Variants in IGF2R observed in about 807,000 individuals in gnomAD.
IGF2R encodes the protein insulin like growth factor 2 receptor.
Under a neutral mutation model 270.6 loss-of-function variants are expected in IGF2R, and 91 were observed. The ratio of observed to expected loss-of-function variants is 0.34; its 90% CI spans 0.28 to 0.40. IGF2R has a LOEUF of 0.40. IGF2R is among the 10% of genes least tolerant of loss of function. IGF2R has a pLI of 1.00. For synonymous variants in IGF2R, 1,316 were observed against 1,258.9 expected, an observed-to-expected ratio of 1.05 and a Z score of -0.96; for missense variants, 2,805 against 3,188.3, an observed-to-expected ratio of 0.88 and a Z score of 2.90.
intron 3 of IGF2R, chr6:160,010,472 C>T (rs1275945507): frequency 4.3e-6 from 2 of 462,916 alleles, no homozygotes; most frequent in Non-Finnish European, 7.8e-6. Context: ...GGATTAGTTA[C>T]ACAAAATCCC....
At chr6:160,086,628 A>C (rs958456977) in intron 41 of IGF2R, among the ~76,000 whole-genome samples, 2 of 152,218 alleles carry the variant, frequency 1.3e-5, no homozygotes, top group African/African-American at 4.8e-5. Flanking sequence ...CATATGCCAG[A>C]AGTTTTAAAA....
intron 39 of IGF2R, among the ~76,000 whole-genome samples, chr6:160,082,178 G>A (rs1339024021): frequency 3.3e-5 from 5 of 152,170 alleles, no homozygotes; most frequent in Admixed American, 2.0e-4. Context: ...ATGTATTAAG[G>A]AACCAAACGT....
rs1371357011 is a variant in IGF2R at position 160,049,893 on chromosome 6, G to A, written c.2515-580G>A. Among the ~76,000 whole-genome samples, 5 of 152,194 alleles carry A rather than the reference G, an allele frequency of 3.3e-5. No individual in the cohort carries two copies. The East Asian group carries it at 7.7e-4, about 23-fold the overall frequency. On this transcript the variant is annotated intron_variant, in intron 18 of 47. Coordinates refer to ENST00000356956, the MANE Select transcript of IGF2R (RefSeq NM_000876.4). ...AGCCGAGAAAGAGTTTAATTGTAGG[G>A]CAGGCGAATGAGGAGATGAGAAGAA... is the stretch of plus-strand genomic sequence containing the variant.
intron 31 of IGF2R, 44 bp downstream of exon 31, chr6:160,070,102 A>G (rs1778683026): frequency 6.3e-7 from 1 of 1,590,712 alleles, no homozygotes; most frequent in Non-Finnish European, 8.6e-7. Context: ...AGCTTTGGGA[A>G]TTGAGCCCAT....
chr6:159,996,393 G>GGC (rs1784054241), intron 2 of IGF2R, among the ~76,000 whole-genome samples: 1 of 152,194 alleles, frequency 6.6e-6, no homozygotes, highest in Non-Finnish European at 1.5e-5. Flanking sequence ...GCTTCAGGCA[G>GGC]TGGAGTGGTC....
intron 1 of IGF2R, among the ~76,000 whole-genome samples, chr6:159,977,081 TGTC>T (rs1450084290): frequency 6.6e-6 from 1 of 152,234 alleles, no homozygotes; most frequent in Non-Finnish European, 1.5e-5. Context: ...GCTTCCCTGT[TGTC>T]TTTTGTTGCA....
chr6:160,023,707 A>G (rs1401627964), intron 4 of IGF2R, among the ~76,000 whole-genome samples: 3 of 152,216 alleles, frequency 2.0e-5, no homozygotes, highest in Admixed American at 6.5e-5. Context: ...TTATAAACGT[A>G]GCTTCTGCTA....
Position 160,043,298 on chromosome 6 carries a change from G to A in IGF2R, c.1621+10G>A, listed in dbSNP as rs369007307. The A allele has an allele frequency of 6.2e-7, 1 of 1,610,680 alleles. No homozygotes were observed. On this transcript the variant is annotated intron_variant, in intron 12 of 47. Transcript: ENST00000356956. ...GCAGTGTGTGCAGTGGGTGAGTTGT[G>A]CCTGGATGGAAGATCTAGGTGATGC...
At position 160,109,088 on chromosome 6, in the gene IGF2R, A is replaced by G. The variant is rs1485503642; in HGVS notation, c.*4004A>G. On this transcript the variant is annotated 3_prime_UTR_variant, in exon 48 of 48. Transcript: ENST00000356956. ...TTGTAGTTTGACCAGTTTGCAAAAC[A>G]AATTGAATAAAAAGTAATTGATAAT... 6.6e-6 allele frequency: 1 copy of G among 152,264 alleles called. No individual in the cohort carries two copies. The highest frequency in any genetic ancestry group is 2.4e-5 in the African/African-American group (1 of 41,468). 9.4% of individuals were successfully genotyped at this position (152,264 alleles called of 1,614,324 possible).
At chr6:160,081,645 A>G (rs1213535045) in intron 39 of IGF2R, among the ~76,000 whole-genome samples, 1 of 152,240 alleles carries the variant, frequency 6.6e-6, no homozygotes, top group Admixed American at 6.5e-5. Context: ...CTGCAACTGC[A>G]TAAGGCAGAC....
At chr6:160,075,199 A>G (rs570718908) in intron 35 of IGF2R, among the ~76,000 whole-genome samples, 3 of 152,360 alleles carry the variant, frequency 2.0e-5, no homozygotes, top group African/African-American at 7.2e-5. Flanking sequence ...TTAAAAATAA[A>G]AAAAGAGTTT....
In IGF2R at chr6:160,058,973, C is replaced by G. The variant is rs766245878; in HGVS notation, c.2966C>G (p.Ala989Gly). 6.2e-7 allele frequency: 1 copy of G among 1,614,194 alleles called. No individual in the cohort carries two copies. Among genetic ancestry groups the G allele is most frequent in the Admixed American group, 1.7e-5 (1 of 60,018 alleles). The change falls in exon 22 of 48, where the codon GCA (alanine) becomes GGA (glycine). Residue 989 changes from alanine (A) to glycine (G), a missense_variant. Transcript: ENST00000356956. Reference protein sequence around the residue: ...ILGKPASGCEAETQTEELKNW... With the variant: ...ILGKPASGCEGETQTEELKNW... ...GGAAAACCTGCTTCTGGCTGTGAGG[C>G]AGAAACCCAAACTGAAGAGCTCAAG...
chr6:160,076,791 A>G (rs986516853), intron 36 of IGF2R, among the ~76,000 whole-genome samples: 4 of 152,192 alleles, frequency 2.6e-5, no homozygotes, highest in Non-Finnish European at 5.9e-5. Flanking sequence ...CCTAATGTGG[A>G]TATTGATACA....
chr6:160,027,260 A>G lies in IGF2R; in HGVS notation c.722A>G (p.Gln241Arg). Residue 241 changes from glutamine (Q) to arginine (R), a missense_variant, in exon 6 of 48, where the codon CAG (glutamine) becomes CGG (arginine). By Grantham distance (43) the Gln-to-Arg change is conservative (BLOSUM62 1). Coordinates refer to ENST00000356956, the MANE Select transcript of IGF2R (RefSeq NM_000876.4). Reference sequence around the variant, plus strand: ...GCCGCCTGCCTGGTAAGAGGACACCAGGCGTTTGATGTTGGCCAGCCCCGG... The same window carrying G: ...GCCGCCTGCCTGGTAAGAGGACACCGGGCGTTTGATGTTGGCCAGCCCCGG... ...GTAACLVRGH[Q>R]AFDVGQPRDG... 6.2e-7 allele frequency: 1 copy of G among 1,614,178 alleles called. No individual in the cohort carries two copies. Among genetic ancestry groups the G allele is most frequent in the Non-Finnish European group, 8.5e-7 (1 of 1,180,022 alleles).
chr6:160,024,778 A>T, intron 5 of IGF2R, 74 bp downstream of exon 5: 1 of 1,498,934 alleles, frequency 6.7e-7, no homozygotes, highest in Non-Finnish European at 9.2e-7. Flanking sequence ...TTGCCTTTCT[A>T]CCTTTATTTC....
rs190817821 is a variant in IGF2R at position 159,998,129 on chromosome 6, G to C, written c.289+6806G>C. On this transcript the variant is annotated intron_variant, in intron 2 of 47. Coordinates refer to ENST00000356956, the MANE Select transcript of IGF2R (RefSeq NM_000876.4). The surrounding 1 kb of genome is among the most constrained non-coding windows in gnomAD (Gnocchi z 4.1). The stretch of plus-strand genomic sequence containing the variant: ...CAGTTTACTCATTGTGCTCTTTTGA[G>C]AACTCACAGAGAAAGGCCACAAGTA... 2.0e-5 allele frequency among the ~76,000 whole-genome samples: 3 copies of C among 152,326 alleles called. No homozygotes were observed. In the East Asian group the frequency reaches 5.8e-4, roughly 29 times the overall value.
chr6:160,058,980 C>T lies in IGF2R; in HGVS notation c.2973C>T (p.Thr991=), dbSNP rs1778371904. The T allele has an allele frequency of 6.2e-7, 1 of 1,614,172 alleles. No homozygotes were observed. Among genetic ancestry groups the T allele is most frequent in the Non-Finnish European group, 8.5e-7 (1 of 1,180,028 alleles). ...GKPASGCEAE[T]QTEELKNWKP... ...CTGCTTCTGGCTGTGAGGCAGAAAC[C>T]CAAACTGAAGAGCTCAAGAATTGGA... is the stretch of plus-strand genomic sequence containing the variant. The change falls in exon 22 of 48, where the codon ACC becomes ACT. Residue 991 remains threonine (T), a synonymous_variant. Transcript: ENST00000356956.
chr6:160,111,420 A>G lies in IGF2R; in HGVS notation c.*6336A>G, dbSNP rs568329753. 1 of 152,302 alleles carries G rather than the reference A, an allele frequency of 6.6e-6. No homozygotes were observed. Among genetic ancestry groups the G allele is most frequent in the South Asian group, 2.1e-4 (1 of 4,832 alleles). The allele number at this position is 152,302 out of a possible 1,614,324, so 9.4% of individuals were successfully genotyped here. A position where few individuals can be genotyped will look rare whatever the true frequency, so the allele number is the denominator to read the frequency against. On this transcript the variant is annotated 3_prime_UTR_variant, in exon 48 of 48. Transcript: ENST00000356956. ...TCCACTTCCACTTAATATATAATAAATATATTTTCTCCTCATGATTTTCTT... is the reference window on the plus strand; with the variant it reads ...TCCACTTCCACTTAATATATAATAAGTATATTTTCTCCTCATGATTTTCTT...
rs971661080 is a variant in IGF2R, at chr6:160,090,044, A to G, written c.6596A>G (p.Asn2199Ser). ...SGANICQVKPNDQHFSRKVGT... is the reference protein window; with the variant it reads ...SGANICQVKPSDQHFSRKVGT... Reference sequence around the variant, plus strand: ...GCCAACATATGCCAGGTGAAGCCCAACGATCAGCACTTCAGTCGGAAAGTT... The same window carrying G: ...GCCAACATATGCCAGGTGAAGCCCAGCGATCAGCACTTCAGTCGGAAAGTT... Residue 2199 changes from asparagine to serine, a missense_variant, in exon 44 of 48, where the codon AAC becomes AGC. Coordinates refer to ENST00000356956, the MANE Select transcript of IGF2R (RefSeq NM_000876.4). 5.0e-6 allele frequency: 8 copies of G among 1,599,368 alleles called. No homozygotes were observed. The highest frequency in any genetic ancestry group is 1.1e-5 in the South Asian group (1 of 88,422).
Sources: allele counts gnomAD v4.1 joint callset (sites outside exome capture counted in the v4.1 genomes callset), GRCh38; gene constraint gnomAD v4.1.1; non-coding constraint Gnocchi (gnomAD v3.1); transcripts MANE v1.5; gene names NCBI Gene and HGNC (gene_info 2026-07-23, HGNC 2026-07-21).